The following DCDC2C variants were observed in gnomAD, a reference collection of about 807,000 sequenced individuals.
DCDC2C encodes doublecortin domain-containing protein 2C.
In DCDC2C, 44 loss-of-function variants were observed where a neutral mutation model predicts 45.0. The ratio of observed to expected loss-of-function variants is 0.98; its 90% CI spans 0.77 to 1.26. The LOEUF (loss-of-function observed/expected upper bound fraction) is 1.26, where lower values mean the gene tolerates loss of function less well. DCDC2C is among the 50% of genes most tolerant of loss of function. DCDC2C has a pLI of 0.00. For missense variants in DCDC2C, 447 were observed against 468.9 expected, an observed-to-expected ratio of 0.95 and a Z score of 0.43; for synonymous variants, 187 against 178.8, an observed-to-expected ratio of 1.05 and a Z score of -0.37.
chr2:3,813,057 ATATATATATATTTTTTTTT>A (rs1436659854), intron 10 of DCDC2C, among the ~76,000 whole-genome samples: 4 of 100,212 alleles, frequency 4.0e-5, no homozygotes, highest in Non-Finnish European at 5.7e-5. Context: ...ATATATATAT[ATATATATATATTTTTTTTT>A]TTTTGCTGTT....
intron 2 of DCDC2C, among the ~76,000 whole-genome samples, chr2:3,712,460 A>G (rs1668238388): frequency 6.7e-6 from 1 of 149,644 alleles, no homozygotes; most frequent in Non-Finnish European, 1.5e-5. Flanking sequence ...GAGCCCAGGA[A>G]TTCTAGACCA....
intron 6 of DCDC2C, among the ~76,000 whole-genome samples, chr2:3,756,397 G>T (rs1669717826): frequency 6.6e-6 from 1 of 152,194 alleles, no homozygotes; most frequent in Non-Finnish European, 1.5e-5. Context: ...TTGAGGGTCG[G>T]CATTGTCCTG....
chr2:3,742,653 G>A (rs143510629), intron 4 of DCDC2C, among the ~76,000 whole-genome samples: 13 of 152,266 alleles, frequency 8.5e-5, no homozygotes, highest in Admixed American at 4.6e-4. Flanking sequence ...TACTTCCAAG[G>A]GTCCTCATAT....
At chr2:3,810,589 A>G (rs1409928542) in intron 10 of DCDC2C, among the ~76,000 whole-genome samples, 5 of 151,620 alleles carry the variant, frequency 3.3e-5, no homozygotes, top group African/African-American at 1.2e-4. Context: ...TTCTAATTAG[A>G]CCTCATTTGT....
At chr2:3,796,861 T>C (rs1297182255) in intron 10 of DCDC2C, among the ~76,000 whole-genome samples, 1 of 152,038 alleles carries the variant, frequency 6.6e-6, no homozygotes, top group Non-Finnish European at 1.5e-5. Flanking sequence ...CCGGCTTTGG[T>C]ATCAGGATGA....
chr2:3,823,761 T>A (rs1433680145), intron 10 of DCDC2C, among the ~76,000 whole-genome samples: 1 of 152,260 alleles, frequency 6.6e-6, no homozygotes, highest in Non-Finnish European at 1.5e-5. Context: ...AGAATTTTCA[T>A]CTTTTTGAAT....
At chr2:3,777,448 T>G (rs1276794437) in intron 8 of DCDC2C, among the ~76,000 whole-genome samples, 6 of 152,236 alleles carry the variant, frequency 3.9e-5, no homozygotes, top group Non-Finnish European at 8.8e-5. Flanking sequence ...GTATTCAGTA[T>G]GGTGGGTGTC....
At chr2:3,726,225 G>A (rs1668682425) in intron 2 of DCDC2C, among the ~76,000 whole-genome samples, 1 of 152,248 alleles carries the variant, frequency 6.6e-6, no homozygotes, top group African/African-American at 2.4e-5. Context: ...AGGAAGGCCA[G>A]GCCTGAGGTG....
chr2:3,792,316 T>C (rs554413694), intron 10 of DCDC2C, among the ~76,000 whole-genome samples: 25 of 152,342 alleles, frequency 1.6e-4, no homozygotes, highest in Middle Eastern at 3.4e-3. Flanking sequence ...CCCTGGTGTC[T>C]GGGGCTTCAG....
chr2:3,765,123 A>T (rs1669978630), intron 6 of DCDC2C, among the ~76,000 whole-genome samples: 1 of 152,200 alleles, frequency 6.6e-6, no homozygotes. Flanking sequence ...CTTAATATAG[A>T]TATTGGCCTG....
chr2:3,822,287 A>C (rs931721521), intron 10 of DCDC2C, among the ~76,000 whole-genome samples: 1 of 152,184 alleles, frequency 6.6e-6, no homozygotes, highest in African/African-American at 2.4e-5. Flanking sequence ...TTACTAATTC[A>C]GTCTCTTTAC....
chr2:3,829,033 A>G (rs17018114), intron 10 of DCDC2C, among the ~76,000 whole-genome samples: 1,899 of 152,112 alleles, frequency 0.012, 37 homozygotes, highest in African/African-American at 0.035. Context: ...TTTCACTATC[A>G]TTTTTCAGTC....
At chr2:3,704,191 C>A in intron 1 of DCDC2C, 153 bp downstream of exon 1, 3 of 706,554 alleles carry the variant, frequency 4.2e-6, no homozygotes, top group Non-Finnish European at 5.9e-6. Context: ...CAGCCGGCGT[C>A]GGGCCGCCCC....
intron 4 of DCDC2C, among the ~76,000 whole-genome samples, chr2:3,744,718 C>T (rs978942760): frequency 6.6e-6 from 1 of 152,282 alleles, no homozygotes; most frequent in Non-Finnish European, 1.5e-5. Context: ...GTGATACCAA[C>T]GATGAAAACT....
intron 6 of DCDC2C, among the ~76,000 whole-genome samples, 159 bp from the exon 7 acceptor site, chr2:3,767,595 G>A (rs1461745274): frequency 6.6e-6 from 1 of 152,226 alleles, no homozygotes; most frequent in African/African-American, 2.4e-5. Context: ...TAGAGCAGAA[G>A]AGGTTGCATT....
intron 10 of DCDC2C, among the ~76,000 whole-genome samples, chr2:3,841,568 C>G (rs918869494): frequency 6.6e-6 from 1 of 152,118 alleles, no homozygotes; most frequent in Admixed American, 6.5e-5. Context: ...TTTTATTTAT[C>G]AAACGTTTTC....
intron 10 of DCDC2C, among the ~76,000 whole-genome samples, chr2:3,819,532 C>T (rs371264163): frequency 3.3e-5 from 5 of 152,256 alleles, no homozygotes; most frequent in South Asian, 2.1e-4. Flanking sequence ...AATTAACTCC[C>T]GTTGTGGGGT....
At chr2:3,800,565 A>T (rs1671088886) in intron 10 of DCDC2C, among the ~76,000 whole-genome samples, 1 of 152,234 alleles carries the variant, frequency 6.6e-6, no homozygotes, top group African/African-American at 2.4e-5. Flanking sequence ...TAGTTCCATG[A>T]AACAAGTGTC....
At chr2:3,829,224 G>A (rs897777424) in intron 10 of DCDC2C, among the ~76,000 whole-genome samples, 7 of 151,620 alleles carry the variant, frequency 4.6e-5, no homozygotes, top group African/African-American at 7.3e-5. Flanking sequence ...CTGAGAATCC[G>A]GATGCATAGC....
Sources: gnomAD v4.1 joint callset for allele counts (sites outside exome capture counted in the v4.1 genomes callset) on GRCh38, gnomAD v4.1.1 for gene constraint, MANE v1.5 for transcripts, NCBI Gene and HGNC (gene_info 2026-07-23, HGNC 2026-07-21) for gene names.